The following PCDH15 variants were observed in gnomAD, a reference collection of about 807,000 sequenced individuals.
PCDH15 encodes the protein protocadherin-15.
A neutral mutation model predicts 178.5 loss-of-function variants in PCDH15; 129 were observed. The observed-to-expected ratio is 0.72, with a 90% CI of 0.63 to 0.84. PCDH15 has a LOEUF of 0.84. Ranked by LOEUF, PCDH15 falls within the 40% of genes least tolerant of loss-of-function variation. The probability of loss-of-function intolerance (pLI) is 0.00; values close to 1 mark genes in which losing one functional copy is unlikely to be tolerated. For synonymous variants in PCDH15, 800 were observed against 732.0 expected, an observed-to-expected ratio of 1.09 and a Z score of -1.50; for missense variants, 2,230 against 2,099.9, an observed-to-expected ratio of 1.06 and a Z score of -1.21.
chr10:53,931,850 G>A (rs1302608446), intron 25 of PCDH15, among the ~76,000 whole-genome samples: 1 of 152,128 alleles, frequency 6.6e-6, no homozygotes, highest in Admixed American at 6.5e-5. Flanking sequence ...ATATGTTAAT[G>A]GAAGTTCCTC....
At chr10:55,366,985 A>G (rs1845376981) in intron 2 of PCDH15, among the ~76,000 whole-genome samples, 1 of 151,810 alleles carries the variant, frequency 6.6e-6, no homozygotes, top group East Asian at 1.9e-4. Context: ...TAGGAGAGTT[A>G]GAGGTAGGGT....
At chr10:54,150,755 G>T (rs902652779) in intron 14 of PCDH15, among the ~76,000 whole-genome samples, 1 of 151,474 alleles carries the variant, frequency 6.6e-6, no homozygotes, top group Non-Finnish European at 1.5e-5. Flanking sequence ...AATTATTTTG[G>T]GGGATTTCTT....
intron 2 of PCDH15, among the ~76,000 whole-genome samples, chr10:55,344,696 A>G (rs907406026): frequency 1.3e-5 from 2 of 152,040 alleles, no homozygotes; most frequent in African/African-American, 4.8e-5. Flanking sequence ...GAGATATTCA[A>G]CCAGAGATGG....
At chr10:55,161,077 C>G (rs987798064) in intron 2 of PCDH15, among the ~76,000 whole-genome samples, 1 of 152,116 alleles carries the variant, frequency 6.6e-6, no homozygotes, top group South Asian at 2.1e-4. Context: ...GACCATAGAG[C>G]TCGTTCCCTG....
At chr10:55,396,554 A>G (rs751910007) in intron 2 of PCDH15, among the ~76,000 whole-genome samples, 1 of 152,214 alleles carries the variant, frequency 6.6e-6, no homozygotes, top group Non-Finnish European at 1.5e-5. Context: ...CGAGACCGGT[A>G]GGATTGCCAA....
In PCDH15 at chr10:55,096,779, C is replaced by T. The variant is rs183444828; in HGVS notation, c.-80+69797G>A. Among the ~76,000 whole-genome samples, 340 of 152,100 alleles carry T rather than the reference C, an allele frequency of 2.2e-3. 5 individuals carry two copies. The highest frequency in any genetic ancestry group is 1.0e-3 in the Non-Finnish European group (71 of 67,960). On this transcript the variant is annotated intron_variant, in intron 2 of 5. Transcript: ENST00000458638. ...CTTATTTCATGTAGCATAACGTCCT[C>T]CAATTAATACAACTTTTTATATAAG...
At chr10:54,802,014 C>A (rs1234997297), upstream of PCDH15, among the ~76,000 whole-genome samples, 2 of 152,128 alleles carry the variant, frequency 1.3e-5, no homozygotes, top group Non-Finnish European at 2.9e-5. Context: ...ATGTGTTCAC[C>A]TGAGCATATG....
At chr10:54,445,997 G>T (rs1293247608) in intron 3 of PCDH15, among the ~76,000 whole-genome samples, 1 of 151,192 alleles carries the variant, frequency 6.6e-6, no homozygotes, top group Non-Finnish European at 1.5e-5. Flanking sequence ...CTGATGATCA[G>T]GTCTCTCATT....
At chr10:54,169,385 C>T (rs1211915561) in intron 13 of PCDH15, among the ~76,000 whole-genome samples, 1 of 131,254 alleles carries the variant, frequency 7.6e-6, no homozygotes, top group African/African-American at 2.9e-5. Context: ...CCCTTGCCTC[C>T]ATAACTGTTG....
intron 3 of PCDH15, among the ~76,000 whole-genome samples, chr10:54,389,709 C>A (rs1356351213): frequency 3.4e-5 from 5 of 148,934 alleles, no homozygotes; most frequent in African/African-American, 7.5e-5. Flanking sequence ...GAGGCCGAGG[C>A]GGGTGGATCA....
intron 2 of PCDH15, among the ~76,000 whole-genome samples, chr10:54,916,870 T>G (rs930768417): frequency 2.0e-5 from 3 of 152,150 alleles, no homozygotes; most frequent in African/African-American, 7.2e-5. Flanking sequence ...TTTGGGATTT[T>G]TTGCAAGTGA....
intron 1 of PCDH15, among the ~76,000 whole-genome samples, chr10:54,789,539 A>G (rs900685963): frequency 6.6e-6 from 1 of 151,948 alleles, no homozygotes; most frequent in African/African-American, 2.4e-5. Context: ...TCAAAACCAA[A>G]TATTTCCTTA....
intron 2 of PCDH15, among the ~76,000 whole-genome samples, chr10:54,598,113 TCTC>T (rs1565702131): frequency 6.6e-6 from 1 of 151,940 alleles, no homozygotes; most frequent in African/African-American, 2.4e-5. Flanking sequence ...AGAAGGGACT[TCTC>T]CTCAACTCAT....
In PCDH15 at chr10:54,023,180, A is replaced by T. The variant is rs1565043532; in HGVS notation, c.2238T>A (p.Ala746=). The T allele has an allele frequency of 6.2e-7, 1 of 1,613,502 alleles. No homozygotes were observed. Among genetic ancestry groups the T allele is most frequent in the East Asian group, 2.2e-5 (1 of 44,880 alleles). ...TGTAGTGCACTTGACCATTTATTCC[A>T]GCATCAGGGTCTGTTGCCTATTAAA... The part of the protein sequence containing the change: ...VGQVKATDPD[A]GINGQVHYSL... The change falls in exon 19 of 38, where the codon GCT becomes GCA. Residue 746 remains alanine, a synonymous_variant. Transcript: ENST00000644397.
At chr10:54,129,604 A>C (rs1263349706) in intron 15 of PCDH15, among the ~76,000 whole-genome samples, 4 of 152,182 alleles carry the variant, frequency 2.6e-5, no homozygotes, top group Admixed American at 6.5e-5. Context: ...TGATACCATA[A>C]GTAAAGAATT....
intron 2 of PCDH15, among the ~76,000 whole-genome samples, chr10:55,380,326 C>T (rs1200112272): frequency 6.6e-6 from 1 of 152,130 alleles, no homozygotes; most frequent in South Asian, 2.1e-4. Flanking sequence ...AATTTAAGAA[C>T]TCTCTGATAC....
rs563752957 is a variant in PCDH15 at position 55,386,094 on chromosome 10, T to C, written c.-155-219443A>G. On this transcript the variant is annotated intron_variant, in intron 2 of 5. Coordinates refer to the PCDH15 transcript ENST00000613346. ...AAGTCAAATAAAATAAAATACTGTATATTTCTCATTATTAAAATAAAAGAA... is the reference window on the plus strand; with the variant it reads ...AAGTCAAATAAAATAAAATACTGTACATTTCTCATTATTAAAATAAAAGAA... Among the ~76,000 whole-genome samples the C allele has an allele frequency of 2.6e-4, 39 of 152,048 alleles. No homozygotes were observed. The South Asian group carries it at 7.9e-3, about 31-fold the overall frequency.
intron 2 of PCDH15, among the ~76,000 whole-genome samples, chr10:55,072,176 C>T (rs1054732075): frequency 6.6e-6 from 1 of 151,992 alleles, no homozygotes; most frequent in Admixed American, 6.6e-5. Flanking sequence ...CCTAACATCA[C>T]AATTAAAAGA....
chr10:54,586,995 A>G (rs1402186277), intron 2 of PCDH15, among the ~76,000 whole-genome samples: 2 of 152,148 alleles, frequency 1.3e-5, no homozygotes, highest in Non-Finnish European at 2.9e-5. Flanking sequence ...GAGATGAAAA[A>G]GTCTGACATG....
Sources: allele counts gnomAD v4.1 joint callset (sites outside exome capture counted in the v4.1 genomes callset), GRCh38; gene constraint gnomAD v4.1.1; transcripts MANE v1.5; gene names NCBI Gene and HGNC (gene_info 2026-07-23, HGNC 2026-07-21).